The following ARNT2 variants were observed in gnomAD, a reference collection of about 807,000 sequenced individuals.
ARNT2 encodes ARNT protein 2.
A neutral mutation model predicts 91.7 loss-of-function variants in ARNT2; 36 were observed. The ratio of observed to expected loss-of-function variants is 0.39; its 90% CI spans 0.30 to 0.52. The LOEUF is 0.52. Ranked by LOEUF, ARNT2 falls within the 20% of genes least tolerant of loss-of-function variation. The pLI, the probability that ARNT2 is intolerant of heterozygous loss-of-function variation, is 0.72. For synonymous variants in ARNT2, 365 were observed against 347.1 expected (o/e 1.05, Z -0.57); for missense variants, 775 against 939.3 (o/e 0.83, Z 2.29).
chr15:80,511,663 C>T (rs551309557), intron 6 of ARNT2, among the ~76,000 whole-genome samples: 1 of 152,058 alleles, frequency 6.6e-6, no homozygotes, highest in East Asian at 1.9e-4. Flanking sequence ...TCTAAGGCCT[C>T]AAAACTGAGA....
chr15:80,442,167 C>T (rs1236824216), intron 1 of ARNT2, among the ~76,000 whole-genome samples: 1 of 152,138 alleles, frequency 6.6e-6, no homozygotes, highest in Non-Finnish European at 1.5e-5. Context: ...GAAAGCATAC[C>T]CCTCAGAGGG....
Position 80,552,753 on chromosome 15 carries a change from T to C in ARNT2, c.1068T>C (p.Ser356=). ...IITFVDPRCI[S]VIGYQPQDLL... ...CATTTGTGGATCCAAGATGTATCAG[T>C]GTGATTGGCTACCAACCCCAGGTGA... The change falls in exon 10 of 19, where the codon AGT becomes AGC. Residue 356 remains serine (S), a synonymous_variant. Coordinates refer to ENST00000303329, the MANE Select transcript of ARNT2 (RefSeq NM_014862.4). 1.2e-6 allele frequency: 2 copies of C among 1,614,108 alleles called. No homozygotes were observed. The highest frequency in any genetic ancestry group is 1.7e-6 in the Non-Finnish European group (2 of 1,179,992).
chr15:80,441,709 T>A (rs1385003375), intron 1 of ARNT2, among the ~76,000 whole-genome samples: 1 of 152,188 alleles, frequency 6.6e-6, no homozygotes, highest in African/African-American at 2.4e-5. Flanking sequence ...AAGTTCCACG[T>A]TTTTTCCAGG....
chr15:80,524,113 G>A (rs1897595880), intron 8 of ARNT2, among the ~76,000 whole-genome samples: 1 of 152,192 alleles, frequency 6.6e-6, no homozygotes, highest in African/African-American at 2.4e-5. Flanking sequence ...GCAATGAACA[G>A]GGTGCTAAAA....
At chr15:80,411,110 G>T (rs1304732489) in intron 1 of ARNT2, among the ~76,000 whole-genome samples, 1 of 151,992 alleles carries the variant, frequency 6.6e-6, no homozygotes, top group South Asian at 2.1e-4. Context: ...TCTGGTCTCA[G>T]CTTGAATTCT....
rs1424627611 is a variant in ARNT2, at chr15:80,596,381, G to A, written c.*2683G>A. The A allele has an allele frequency of 6.6e-6, 1 of 152,386 alleles. No individual in the cohort carries two copies. The highest frequency in any genetic ancestry group is 1.5e-5 in the Non-Finnish European group (1 of 68,190). The allele number at this position is 152,386 out of a possible 1,614,324, so 9.4% of individuals were successfully genotyped here. ...GCTTATGATTTGTAAAAGCCGTCAT[G>A]GGGTCAATAAGAAAATAGGGGTGAT... On this transcript the variant is annotated 3_prime_UTR_variant, in exon 19 of 19. Transcript: ENST00000303329.
At chr15:80,501,294 G>T (rs1371281468) in intron 5 of ARNT2, among the ~76,000 whole-genome samples, 2 of 152,162 alleles carry the variant, frequency 1.3e-5, no homozygotes, top group Non-Finnish European at 2.9e-5. Context: ...AATGAGGTTT[G>T]TGATGAAATT....
At chr15:80,581,077 A>G (rs1311583229) in intron 16 of ARNT2, 162 bp from the exon 17 acceptor site, 10 of 810,578 alleles carry the variant, frequency 1.2e-5, no homozygotes, top group Non-Finnish European at 1.7e-5. Flanking sequence ...GCCCTCACAC[A>G]CCGGGCTGAT....
chr15:80,553,638 C>A (rs1292368912), intron 10 of ARNT2, among the ~76,000 whole-genome samples: 2 of 151,790 alleles, frequency 1.3e-5, no homozygotes, highest in East Asian at 1.9e-4. Flanking sequence ...AATGTGATAA[C>A]ATATTGATAA....
chr15:80,470,093 G>C, intron 3 of ARNT2, 125 bp from the exon 4 acceptor site: 2 of 968,066 alleles, frequency 2.1e-6, no homozygotes, highest in Non-Finnish European at 3.1e-6. Flanking sequence ...AAAGCACTCA[G>C]CTGTTAGGTG....
At chr15:80,561,006 C>T (rs1397318765) in intron 11 of ARNT2, among the ~76,000 whole-genome samples, 2 of 152,100 alleles carry the variant, frequency 1.3e-5, no homozygotes, top group South Asian at 2.1e-4. Flanking sequence ...CAGCCCCAGC[C>T]GTGGGGCCAG....
At chr15:80,511,952 G>A (rs940479984) in intron 6 of ARNT2, among the ~76,000 whole-genome samples, 1 of 152,184 alleles carries the variant, frequency 6.6e-6, no homozygotes, top group East Asian at 1.9e-4. Flanking sequence ...AGAACCAGCA[G>A]GAGATATGGC....
intron 1 of ARNT2, chr15:80,441,321 C>T (rs1896184177): frequency 1.0e-6 from 1 of 985,098 alleles, no homozygotes; most frequent in African/African-American, 1.7e-5. Context: ...ATAACAGATT[C>T]TCCTAAGAAG....
In ARNT2 at chr15:80,597,760, T is replaced by C. The variant is rs7484; in HGVS notation, c.*4062T>C. 61,735 of 155,572 alleles carry C rather than the reference T, an allele frequency of 0.4. 15,052 individuals are homozygous for C. The highest frequency in any genetic ancestry group is 0.7 in the African/African-American group (28,982 of 41,528). 9.6% of individuals were successfully genotyped at this position (155,572 alleles called of 1,614,324 possible). On this transcript the variant is annotated 3_prime_UTR_variant, in exon 19 of 19. Transcript: ENST00000303329. ...AGCAGGTGTCAGTGGACAGTTTAAG[T>C]ACTTAACCATTTCTCTTTCTTCTTA...
chr15:80,540,571 G>A (rs895052560), intron 8 of ARNT2, among the ~76,000 whole-genome samples: 7 of 152,090 alleles, frequency 4.6e-5, no homozygotes, highest in African/African-American at 1.7e-4. Flanking sequence ...CTGATGCTGA[G>A]GTTTAGGGTA....
chr15:80,500,824 A>AATAT (rs1352145709), intron 5 of ARNT2, among the ~76,000 whole-genome samples: 1 of 152,204 alleles, frequency 6.6e-6, no homozygotes, highest in East Asian at 1.9e-4. Context: ...GCAATAAATA[A>AATAT]ATGAGTGGGT....
intron 6 of ARNT2, 91 bp from the exon 7 acceptor site, chr15:80,513,820 C>A: frequency 1.8e-6 from 2 of 1,084,638 alleles, no homozygotes; most frequent in Non-Finnish European, 2.8e-6. Context: ...GTGTAAGCAT[C>A]AATTAAGGCT....
rs943759774 is a variant in ARNT2, at chr15:80,545,036, C to T, written c.878-6163C>T. Among the ~76,000 whole-genome samples the T allele has an allele frequency of 1.2e-4, 18 of 152,294 alleles. 2 individuals carry two copies. Among genetic ancestry groups the T allele is most frequent in the Admixed American group, 2.0e-4 (3 of 15,296 alleles). On this transcript the variant is annotated intron_variant, in intron 8 of 18. Transcript: ENST00000303329. ...CAATAGATGGACATGGGATTGAAGTCTCATGAGGGTGTTGGGCTCAGTGTC... is the reference window on the plus strand; with the variant it reads ...CAATAGATGGACATGGGATTGAAGTTTCATGAGGGTGTTGGGCTCAGTGTC...
At chr15:80,512,985 A>G (rs560018020) in intron 6 of ARNT2, among the ~76,000 whole-genome samples, 67 of 152,352 alleles carry the variant, frequency 4.4e-4, no homozygotes, top group African/African-American at 1.6e-3. Context: ...GCAGAGGGCC[A>G]AACATTGCTG....
Sources: allele counts gnomAD v4.1 joint callset (sites outside exome capture counted in the v4.1 genomes callset), GRCh38; gene constraint gnomAD v4.1.1; transcripts MANE v1.5; gene names NCBI Gene and HGNC (gene_info 2026-07-23, HGNC 2026-07-21).